Variants in ZNF235 observed in about 807,000 individuals in gnomAD.
The protein encoded by ZNF235 is zinc finger protein 235.
ZNF235 carries 25 observed loss-of-function variants against 29.4 expected under a neutral mutation model. That is an observed-to-expected ratio of 0.85 (90% confidence interval 0.62 to 1.19). ZNF235 has a LOEUF of 1.19. Among genes scored for constraint, ZNF235 ranks in the 50% most tolerant of loss-of-function variants. The probability of loss-of-function intolerance (pLI) is 0.00; values close to 1 mark genes in which losing one functional copy is unlikely to be tolerated. For missense variants in ZNF235, 788 were observed against 885.0 expected (o/e 0.89, Z 1.39); for synonymous variants, 300 against 295.3 (o/e 1.02, Z -0.16).
At chr19:44,293,171 G>A (rs371577723) in intron 4 of ZNF235, among the ~76,000 whole-genome samples, 1 of 151,948 alleles carries the variant, frequency 6.6e-6, no homozygotes, top group South Asian at 2.1e-4. Flanking sequence ...AAAGAAAGAA[G>A]ATAAGTCAAA....
chr19:44,302,984 ATATATAAATAT>A (rs2123109162), intron 2 of ZNF235, among the ~76,000 whole-genome samples: 4 of 122,366 alleles, frequency 3.3e-5, no homozygotes, highest in South Asian at 4.4e-4. Flanking sequence ...GTATATATTT[ATATATAAATAT>A]ATACATATAT....
In ZNF235 at chr19:44,286,483, T is replaced by C. The variant is rs1975487023; in HGVS notation, c.*735A>G. 1 of 152,196 alleles carries C rather than the reference T, an allele frequency of 6.6e-6. No homozygotes were observed. Among genetic ancestry groups the C allele is most frequent in the South Asian group, 2.1e-4 (1 of 4,832 alleles). The allele number at this position is 152,196 out of a possible 1,614,324, so 9.4% of individuals were successfully genotyped here. The stretch of plus-strand genomic sequence containing the variant: ...AGGGTCACATTAGATAAAAACAGTA[T>C]TGTTCAGTCTATAAACTGACACTAA... On this transcript the variant is annotated 3_prime_UTR_variant, in exon 5 of 5. Coordinates refer to ENST00000291182, the MANE Select transcript of ZNF235 (RefSeq NM_004234.4).
chr19:44,302,270 A>C lies in ZNF235; in HGVS notation c.15+1120T>G, dbSNP rs75044800. ...TACATGGGGAAAAACTGCTATTGTCAATGTCCTTAAAATGGCAAAATTCAT... is the reference window on the plus strand; with the variant it reads ...TACATGGGGAAAAACTGCTATTGTCCATGTCCTTAAAATGGCAAAATTCAT... On this transcript the variant is annotated intron_variant, in intron 2 of 4. Transcript: ENST00000291182. Among the ~76,000 whole-genome samples, 66 of 152,302 alleles carry C rather than the reference A, an allele frequency of 4.3e-4. 1 individual carries two copies. In the East Asian group the frequency reaches 0.013, roughly 29 times the overall value.
chr19:44,302,795 C>T (rs1031028225), intron 2 of ZNF235, among the ~76,000 whole-genome samples: 1 of 134,202 alleles, frequency 7.5e-6, no homozygotes, highest in Non-Finnish European at 1.5e-5. Flanking sequence ...AAACTATATA[C>T]TTATATATGA....
At position 44,289,198 on chromosome 19, in the gene ZNF235, T is replaced by C. The variant is rs1249900102; in HGVS notation, c.239-2A>G. ...CCATCTCATTTTGATTCCTGTCTCC[T>C]GAAAGGATAGAGAGAATAAGGAATA... On this transcript the variant is annotated splice_acceptor_variant, in intron 4 of 4. Transcript: ENST00000291182. LOFTEE classifies it high-confidence loss of function. 2 of 1,608,464 alleles carry C rather than the reference T, an allele frequency of 1.2e-6. No individual in the cohort carries two copies. Among genetic ancestry groups the C allele is most frequent in the Non-Finnish European group, 1.7e-6 (2 of 1,177,200 alleles).
At chr19:44,304,803 C>T (rs999975909) in intron 1 of ZNF235, 168 bp downstream of exon 1, 70 of 985,352 alleles carry the variant, frequency 7.1e-5, no homozygotes, top group Non-Finnish European at 7.7e-5. Context: ...AGCCCGCCTC[C>T]CACGCAAGAG....
chr19:44,299,481 G>C, intron 3 of ZNF235, 125 bp downstream of exon 3: 1 of 1,233,468 alleles, frequency 8.1e-7, no homozygotes, highest in Non-Finnish European at 1.1e-6. Context: ...CAGAGGCCAG[G>C]GATGCCACTA....
At position 44,298,822 on chromosome 19, in the gene ZNF235, C is replaced by G. The variant is rs1359463808; in HGVS notation, c.224G>C (p.Arg75Thr). 2 of 1,613,792 alleles carry G rather than the reference C, an allele frequency of 1.2e-6. No homozygotes were observed. Residue 75 changes from arginine (R) to threonine (T), a missense_variant, in exon 4 of 5, where the codon AGA becomes ACA. Transcript: ENST00000291182. ...ACAGTACTCACCTGAATGCTTACCT[C>G]TTTGGGTTTGAAGCTCCTTCATCCA... ...KLWMKELQTQ[R>T]GKHSGDRNQN...
chr19:44,297,882 GC>G (rs1167383844), intron 4 of ZNF235, among the ~76,000 whole-genome samples: 1 of 152,158 alleles, frequency 6.6e-6, no homozygotes, highest in Non-Finnish European at 1.5e-5. Context: ...TTTTGGGGAG[GC>G]TGAGGTGGGC....
chr19:44,304,856 G>A (rs1975808377), intron 1 of ZNF235, 115 bp downstream of exon 1: 3 of 985,402 alleles, frequency 3.0e-6, no homozygotes, highest in Non-Finnish European at 3.6e-6. Flanking sequence ...TCCCAACCCC[G>A]CCCTCCAGCG....
At chr19:44,304,791 C>T (rs1367592000) in intron 1 of ZNF235, 180 bp downstream of exon 1, 3 of 985,462 alleles carry the variant, frequency 3.0e-6, no homozygotes, top group Non-Finnish European at 3.6e-6. Flanking sequence ...AAGGACGACG[C>T]GAGCCCGCCT....
chr19:44,302,920 ATTTGTATGTATT>A (rs1568647449), intron 2 of ZNF235, among the ~76,000 whole-genome samples: 63 of 139,376 alleles, frequency 4.5e-4, no homozygotes, highest in African/African-American at 1.6e-3. Context: ...ATACGTATAT[ATTTGTATGTATT>A]TATATATACA....
At position 44,287,496 on chromosome 19, in the gene ZNF235, T is replaced by C. The variant is rs745494630; in HGVS notation, c.1939A>G (p.Ile647Val). The change falls in exon 5 of 5, where the codon ATA becomes GTA. Residue 647 changes from isoleucine to valine, a missense_variant. Coordinates refer to ENST00000291182, the MANE Select transcript of ZNF235 (RefSeq NM_004234.4). ...AATGGTTTCTCTCCAGTGTGAATTA[T>C]CTGATGGACTTGAAGATTTGACCTC... is the stretch of plus-strand genomic sequence containing the variant. ...SQRSNLQVHQIIHTGEKPFKC... is the reference protein window; with the variant it reads ...SQRSNLQVHQVIHTGEKPFKC... The C allele has an allele frequency of 1.9e-6, 3 of 1,614,202 alleles. No individual in the cohort carries two copies. Among genetic ancestry groups the C allele is most frequent in the Non-Finnish European group, 2.5e-6 (3 of 1,180,036 alleles).
chr19:44,291,924 C>G (rs989015650), intron 4 of ZNF235, among the ~76,000 whole-genome samples: 1 of 151,936 alleles, frequency 6.6e-6, no homozygotes, highest in Non-Finnish European at 1.5e-5. Context: ...ATTCTAACAC[C>G]AAAATAAGAC....
chr19:44,300,990 G>A (rs903391663), intron 2 of ZNF235, among the ~76,000 whole-genome samples: 3 of 151,688 alleles, frequency 2.0e-5, no homozygotes, highest in Non-Finnish European at 4.4e-5. Context: ...TCCATACTCT[G>A]GCCAAAACTG....
In ZNF235 at chr19:44,288,965, C is replaced by A; in HGVS notation, c.470G>T (p.Cys157Phe). Residue 157 changes from cysteine to phenylalanine, a missense_variant, in exon 5 of 5, where the codon TGT (cysteine) becomes TTT (phenylalanine). Coordinates refer to ENST00000291182, the MANE Select transcript of ZNF235 (RefSeq NM_004234.4). Reference sequence around the variant, plus strand: ...ATGATCCCCTATGTGATTCACTAGACAGTTGTCATCCACAGAAGCTTGAAT... The same window carrying A: ...ATGATCCCCTATGTGATTCACTAGAAAGTTGTCATCCACAGAAGCTTGAAT... The part of the protein sequence containing the change: ...ESIQASVDDN[C>F]LVNHIGDHSS... The A allele has an allele frequency of 6.2e-7, 1 of 1,613,878 alleles. No homozygotes were observed.
In ZNF235 at chr19:44,287,549, C is replaced by T. The variant is rs1407809246; in HGVS notation, c.1886G>A (p.Cys629Tyr). The T allele has an allele frequency of 1.2e-6, 2 of 1,614,202 alleles. No individual in the cohort carries two copies. Among genetic ancestry groups the T allele is most frequent in the South Asian group, 1.1e-5 (1 of 91,090 alleles). ...RVHTGEKPYK[C>Y]DTCGKAFSQR... is the part of the protein sequence containing the mutation. ...GCTGAAGGCCTTACCACAAGTGTCA[C>T]ATTTATATGGTTTCTCTCCGGTGTG... Residue 629 changes from cysteine to tyrosine, a missense_variant, in exon 5 of 5, where the codon TGT becomes TAT. By Grantham distance (194) the Cys-to-Tyr change is radical. Transcript: ENST00000291182.
chr19:44,295,666 C>A (rs1975644526), intron 4 of ZNF235, among the ~76,000 whole-genome samples: 1 of 152,068 alleles, frequency 6.6e-6, no homozygotes, highest in Non-Finnish European at 1.5e-5. Flanking sequence ...AAGCTGGAGG[C>A]ATTACATTAC....
chr19:44,303,758 C>T (rs1975790214), intron 1 of ZNF235, among the ~76,000 whole-genome samples: 3 of 152,210 alleles, frequency 2.0e-5, no homozygotes, highest in Admixed American at 2.0e-4. Context: ...GCCAAAATGC[C>T]TGGCTTCAAA....
Sources: gnomAD v4.1 joint callset for allele counts (sites outside exome capture counted in the v4.1 genomes callset) on GRCh38, gnomAD v4.1.1 for gene constraint, MANE v1.5 for transcripts, NCBI Gene and HGNC (gene_info 2026-07-23, HGNC 2026-07-21) for gene names.